Variants in AKAP6 observed in about 807,000 individuals in gnomAD.
The protein encoded by AKAP6 is A-kinase anchoring protein 6.
AKAP6 carries 58 observed loss-of-function variants against 188.5 expected under a neutral mutation model. The ratio of observed to expected loss-of-function variants is 0.31; its 90% CI spans 0.25 to 0.38. The LOEUF (loss-of-function observed/expected upper bound fraction) is 0.38. AKAP6 is among the 10% of genes least tolerant of loss of function. The pLI is 1.00. For synonymous variants in AKAP6, 989 were observed against 998.6 expected (o/e 0.99, Z 0.18); for missense variants, 2,710 against 2,740.0 (o/e 0.99, Z 0.24).
intron 11 of AKAP6, among the ~76,000 whole-genome samples, chr14:32,770,646 C>G (rs2032869305): frequency 6.6e-6 from 1 of 152,230 alleles, no homozygotes; most frequent in Admixed American, 6.5e-5. Context: ...AGCCTTCTAC[C>G]CATGTAACCA....
chr14:32,732,717 C>T (rs769174479), intron 10 of AKAP6, 117 bp downstream of exon 10: 15 of 1,186,254 alleles, frequency 1.3e-5, no homozygotes, highest in South Asian at 2.5e-5. Context: ...TCACTACCTA[C>T]GTTTCAAACA....
rs148154496 is a variant in AKAP6, at chr14:32,492,337, A to AATATATAT, written c.325-43205_325-43198dup. 5.5e-4 allele frequency among the ~76,000 whole-genome samples: 42 copies of AATATATAT among 76,762 alleles called. 1 individual carries two copies. Among genetic ancestry groups the AATATATAT allele is most frequent in the South Asian group, 2.4e-3 (3 of 1,230 alleles). The allele number at this position is 76,762 out of a possible 152,430, so 50.4% of individuals were successfully genotyped here. A position where few individuals can be genotyped will look rare whatever the true frequency, so the allele number is the denominator to read the frequency against. On this transcript the variant is annotated intron_variant, in intron 2 of 13. Transcript: ENST00000280979. ...CACTGTGCTTCTCAAACTACATTGT[A>AATATATAT]ATATATATATATATATATAGAGAGA...
chr14:32,339,977 GT>G (rs1038522244), intron 1 of AKAP6, among the ~76,000 whole-genome samples: 159 of 143,226 alleles, frequency 1.1e-3, no homozygotes, highest in South Asian at 2.6e-3. Context: ...AGGTGTTAGG[GT>G]TTTTTTTTTT....
chr14:32,378,232 C>A, intron 1 of AKAP6, among the ~76,000 whole-genome samples: 2 of 152,116 alleles, frequency 1.3e-5, no homozygotes, highest in East Asian at 1.9e-4. Context: ...TATAATAATA[C>A]TGAAATATTT....
intron 1 of AKAP6, among the ~76,000 whole-genome samples, chr14:32,397,339 C>T (rs1244359068): frequency 2.0e-5 from 3 of 151,410 alleles, no homozygotes; most frequent in Non-Finnish European, 4.4e-5. Flanking sequence ...GGTAAACCCA[C>T]ATAATGGTAC....
intron 9 of AKAP6, among the ~76,000 whole-genome samples, chr14:32,706,758 A>G (rs1594867173): frequency 6.6e-6 from 1 of 152,130 alleles, no homozygotes; most frequent in East Asian, 1.9e-4. Context: ...AGAAGGAAGG[A>G]GTGGTCTTCC....
intron 1 of AKAP6, among the ~76,000 whole-genome samples, chr14:32,359,231 T>C (rs1296611378): frequency 6.6e-6 from 1 of 152,202 alleles, no homozygotes; most frequent in Non-Finnish European, 1.5e-5. Flanking sequence ...TTTATCCTTC[T>C]GAGAGGAGCC....
intron 4 of AKAP6, among the ~76,000 whole-genome samples, chr14:32,561,436 T>A (rs1883950383): frequency 6.6e-6 from 1 of 152,152 alleles, no homozygotes; most frequent in South Asian, 2.1e-4. Flanking sequence ...TAAATACTTT[T>A]CTGTTCTGAA....
At chr14:32,423,777 C>A (rs1485859340) in intron 1 of AKAP6, among the ~76,000 whole-genome samples, 1 of 152,054 alleles carries the variant, frequency 6.6e-6, no homozygotes, top group Non-Finnish European at 1.5e-5. Context: ...TTATATATTA[C>A]TCTTTAATTA....
At position 32,360,328 on chromosome 14, in the gene AKAP6, A is replaced by T. The variant is rs1247297420; in HGVS notation, c.-35+30920A>T. 2.0e-5 allele frequency among the ~76,000 whole-genome samples: 3 copies of T among 152,170 alleles called. No individual in the cohort carries two copies. The East Asian group carries it at 5.8e-4, about 29-fold the overall frequency. On this transcript the variant is annotated intron_variant, in intron 1 of 13. Coordinates refer to ENST00000280979, the MANE Select transcript of AKAP6 (RefSeq NM_004274.5). Reference sequence around the variant, plus strand: ...TTTTTAGTAGAGATGGGGTTTCACTATGCTGGCCAGGCTGGTCTTAAACTT... The same window carrying T: ...TTTTTAGTAGAGATGGGGTTTCACTTTGCTGGCCAGGCTGGTCTTAAACTT...
chr14:32,433,842 C>A, intron 2 of AKAP6, 25 bp downstream of exon 2: 1 of 1,595,444 alleles, frequency 6.3e-7, no homozygotes, highest in South Asian at 1.1e-5. Flanking sequence ...GTGATCCTCT[C>A]AGGATAGAAG....
chr14:32,493,952 G>T (rs1370716851), intron 2 of AKAP6, among the ~76,000 whole-genome samples: 1 of 152,100 alleles, frequency 6.6e-6, no homozygotes, highest in Admixed American at 6.5e-5. Flanking sequence ...GCCAGGCAAG[G>T]AGAGTCACGA....
chr14:32,348,036 C>T (rs990630758), intron 1 of AKAP6, among the ~76,000 whole-genome samples: 11 of 152,200 alleles, frequency 7.2e-5, no homozygotes, highest in African/African-American at 2.4e-4. Context: ...CCCTGAAGGC[C>T]ATGACCCAAG....
At chr14:32,354,847 C>G (rs1404492172) in intron 1 of AKAP6, among the ~76,000 whole-genome samples, 1 of 151,448 alleles carries the variant, frequency 6.6e-6, no homozygotes, top group Non-Finnish European at 1.5e-5. Flanking sequence ...TGCCTAGTGT[C>G]CTTTTGCCTT....
chr14:32,569,124 T>C (rs1448858860), intron 4 of AKAP6, among the ~76,000 whole-genome samples: 1 of 152,212 alleles, frequency 6.6e-6, no homozygotes, highest in Non-Finnish European at 1.5e-5. Flanking sequence ...TTCTACATGA[T>C]GCTGAGTTCA....
chr14:32,478,824 G>A (rs1879198599), intron 2 of AKAP6, among the ~76,000 whole-genome samples: 1 of 152,200 alleles, frequency 6.6e-6, no homozygotes, highest in Non-Finnish European at 1.5e-5. Flanking sequence ...GATAGGAAAT[G>A]GAAGAGAAGC....
chr14:32,678,705 A>G (rs989875432), intron 8 of AKAP6, among the ~76,000 whole-genome samples: 7 of 152,148 alleles, frequency 4.6e-5, no homozygotes, highest in African/African-American at 9.7e-5. Context: ...TTGTGATTTT[A>G]TAAGTGTTTT....
chr14:32,670,515 A>G (rs955437091), intron 7 of AKAP6, among the ~76,000 whole-genome samples: 7 of 152,192 alleles, frequency 4.6e-5, no homozygotes, highest in African/African-American at 1.7e-4. Context: ...GCTTAGATAT[A>G]CTGCATTGAA....
At chr14:32,471,540 G>A (rs1291028871) in intron 2 of AKAP6, among the ~76,000 whole-genome samples, 5 of 152,210 alleles carry the variant, frequency 3.3e-5, no homozygotes. Flanking sequence ...GGCGAGAGCT[G>A]AGACTTAGTT....
Sources: allele counts gnomAD v4.1 joint callset (sites outside exome capture counted in the v4.1 genomes callset), GRCh38; gene constraint gnomAD v4.1.1; transcripts MANE v1.5; gene names NCBI Gene and HGNC (gene_info 2026-07-23, HGNC 2026-07-21).